The following FAIM variants were observed in gnomAD, a reference collection of about 807,000 sequenced individuals.
FAIM encodes Fas apoptotic inhibitory molecule.
Under a neutral mutation model 21.2 loss-of-function variants are expected in FAIM, and 14 were observed. That is an observed-to-expected ratio of 0.66 (90% confidence interval 0.44 to 1.03). The LOEUF is 1.03. FAIM is among the 50% of genes least tolerant of loss of function. The probability of loss-of-function intolerance (pLI) is 0.00; values close to 1 mark genes in which losing one functional copy is unlikely to be tolerated. For missense variants in FAIM, 222 were observed against 247.1 expected, an observed-to-expected ratio of 0.90 and a Z score of 0.68; for synonymous variants, 86 against 80.4, an observed-to-expected ratio of 1.07 and a Z score of -0.37.
intron 5 of FAIM, 37 bp from the exon 6 acceptor site, chr3:138,632,893 T>A (rs2043020672): frequency 4.4e-6 from 7 of 1,601,588 alleles, no homozygotes; most frequent in Non-Finnish European, 5.1e-6. Context: ...GATAAAAGTT[T>A]CTGCACCACT....
chr3:138,616,654 C>T (rs891851669), intron 1 of FAIM, among the ~76,000 whole-genome samples: 4 of 152,290 alleles, frequency 2.6e-5, no homozygotes, highest in Middle Eastern at 3.4e-3. Flanking sequence ...CCACCATGCA[C>T]ACTCCAAGGA....
At chr3:138,617,412 G>A (rs2042836260) in intron 1 of FAIM, among the ~76,000 whole-genome samples, 1 of 146,502 alleles carries the variant, frequency 6.8e-6, no homozygotes. Context: ...TATATAATAT[G>A]TATATATAAT....
chr3:138,627,593 G>A (rs1239970480), intron 4 of FAIM, among the ~76,000 whole-genome samples: 1 of 152,120 alleles, frequency 6.6e-6, no homozygotes, highest in African/African-American at 2.4e-5. Context: ...CTGAGTACAC[G>A]TACATGTTCA....
intron 1 of FAIM, chr3:138,610,963 G>C: frequency 6.2e-7 from 1 of 1,613,354 alleles, no homozygotes; most frequent in Non-Finnish European, 8.5e-7. Context: ...ATCCTATGCT[G>C]CTTCCCTTTA....
chr3:138,619,120 CTT>C (rs2042857863), intron 1 of FAIM, among the ~76,000 whole-genome samples: 1 of 152,228 alleles, frequency 6.6e-6, no homozygotes, highest in Non-Finnish European at 1.5e-5. Context: ...TAAGTTCACT[CTT>C]TGAGAGCAGA....
At chr3:138,627,033 TC>T (rs1386173513) in intron 4 of FAIM, among the ~76,000 whole-genome samples, 2 of 152,198 alleles carry the variant, frequency 1.3e-5, no homozygotes, top group African/African-American at 4.8e-5. Context: ...TTGGTCTTTT[TC>T]TCCTTGATTT....
intron 1 of FAIM, chr3:138,610,878 C>G (rs2042760513): frequency 1.6e-6 from 2 of 1,271,124 alleles, no homozygotes; most frequent in African/African-American, 2.9e-5. Context: ...GCCATCGCGC[C>G]TGGCCACTTT....
chr3:138,609,274 G>T (rs2042724680), intron 1 of FAIM: 1 of 151,808 alleles, frequency 6.6e-6, no homozygotes, highest in South Asian at 2.1e-4. Flanking sequence ...GCCCGGGGCG[G>T]TGCGGGGGCG....
At chr3:138,625,773 A>G (rs2108351827) in intron 4 of FAIM, among the ~76,000 whole-genome samples, 1 of 152,332 alleles carries the variant, frequency 6.6e-6, no homozygotes, top group East Asian at 1.9e-4. Flanking sequence ...AGGTGGTATC[A>G]TCTTCATTTG....
chr3:138,616,880 GT>G (rs549729326), intron 1 of FAIM, among the ~76,000 whole-genome samples: 1 of 152,170 alleles, frequency 6.6e-6, no homozygotes, highest in Admixed American at 6.5e-5. Flanking sequence ...TTGATATATA[GT>G]TATATAAGTA....
intron 4 of FAIM, among the ~76,000 whole-genome samples, chr3:138,628,383 G>T (rs1235633750): frequency 6.6e-6 from 1 of 152,138 alleles, no homozygotes; most frequent in Non-Finnish European, 1.5e-5. Flanking sequence ...AGTGTGGGAG[G>T]CAGGGGAGTC....
intron 1 of FAIM, among the ~76,000 whole-genome samples, chr3:138,618,630 T>C (rs1415750618): frequency 2.6e-5 from 4 of 152,232 alleles, no homozygotes; most frequent in Non-Finnish European, 5.9e-5. Context: ...ATCATGCCAC[T>C]GCACTCCAGC....
At chr3:138,609,717 A>G (rs564278870) in intron 1 of FAIM, among the ~76,000 whole-genome samples, 29 of 150,458 alleles carry the variant, frequency 1.9e-4, no homozygotes, top group African/African-American at 6.9e-4. Flanking sequence ...ACTGTGATTT[A>G]CTAAATGTAG....
chr3:138,631,553 G>T (rs1054010958), intron 5 of FAIM, among the ~76,000 whole-genome samples: 1 of 152,302 alleles, frequency 6.6e-6, no homozygotes, highest in African/African-American at 2.4e-5. Flanking sequence ...CCTTCTCATT[G>T]TAACTACAAC....
chr3:138,628,738 C>G (rs959007637), intron 4 of FAIM, among the ~76,000 whole-genome samples: 1 of 152,140 alleles, frequency 6.6e-6, no homozygotes, highest in Non-Finnish European at 1.5e-5. Flanking sequence ...CTGCCTCAGT[C>G]TCCCAAAGTG....
At chr3:138,626,454 C>T (rs2042939897) in intron 4 of FAIM, among the ~76,000 whole-genome samples, 1 of 152,198 alleles carries the variant, frequency 6.6e-6, no homozygotes, top group Admixed American at 6.5e-5. Context: ...TTCTCTCTTA[C>T]CACATAAAAG....
At chr3:138,610,932 C>T in intron 1 of FAIM, 5 of 1,600,562 alleles carry the variant, frequency 3.1e-6, no homozygotes, top group Non-Finnish European at 3.4e-6. Flanking sequence ...GAGCTACGAC[C>T]CTTCCTCTAT....
chr3:138,623,261 T>A (rs1279663851), intron 4 of FAIM, among the ~76,000 whole-genome samples: 1 of 152,154 alleles, frequency 6.6e-6, no homozygotes, highest in Non-Finnish European at 1.5e-5. Context: ...TCTGTTTGGG[T>A]TTCTCTTTTC....
At chr3:138,610,990 G>A (rs1389633729) in intron 1 of FAIM, 2 of 1,613,772 alleles carry the variant, frequency 1.2e-6, no homozygotes, top group Non-Finnish European at 1.7e-6. Flanking sequence ...CACTCCCACT[G>A]TTGTGCTATA....
Sources: allele counts gnomAD v4.1 joint callset (sites outside exome capture counted in the v4.1 genomes callset), GRCh38; gene constraint gnomAD v4.1.1; transcripts MANE v1.5; gene names NCBI Gene and HGNC (gene_info 2026-07-23, HGNC 2026-07-21).